Variants in CAST observed in about 807,000 individuals in gnomAD.
The protein encoded by CAST is calpastatin, also known as MIR583 host.
In CAST, 76 loss-of-function variants were observed where a neutral mutation model predicts 119.6. That is an observed-to-expected ratio of 0.64 (90% CI 0.53 to 0.77). The LOEUF (loss-of-function observed/expected upper bound fraction) is 0.77, where lower values mean the gene tolerates loss of function less well. Ranked by LOEUF, CAST falls within the 30% of genes least tolerant of loss-of-function variation. CAST has a pLI of 0.00. For missense variants in CAST, 953 were observed against 946.5 expected (o/e 1.01, Z -0.09); for synonymous variants, 319 against 331.6 (o/e 0.96, Z 0.41).
At chr5:96,332,758 C>T in the CAST span, among the ~76,000 whole-genome samples, 5 of 152,162 alleles carry the variant, frequency 3.3e-5, no homozygotes, top group African/African-American at 1.2e-4. Flanking sequence ...TCCTTAGCAG[C>T]TCCACAAGGA....
At chr5:96,043,873 G>A in the CAST span, among the ~76,000 whole-genome samples, 1 of 152,114 alleles carries the variant, frequency 6.6e-6, no homozygotes, top group Admixed American at 6.6e-5. Context: ...CTGTCAGAAT[G>A]GGAGAAGAGA....
the CAST span, chr5:96,400,233 T>C: frequency 7.2e-7 from 1 of 1,387,558 alleles, no homozygotes; most frequent in Non-Finnish European, 1.0e-6. Flanking sequence ...AAATGAAGTT[T>C]CCTTGCAAAA....
chr5:96,542,293 A>G (rs1745927962), intron 1 of CAST, among the ~76,000 whole-genome samples: 1 of 133,722 alleles, frequency 7.5e-6, no homozygotes, highest in African/African-American at 2.8e-5. Context: ...CCTGGGCGAC[A>G]GCAAGACTTA....
chr5:96,628,320 T>C (rs1471394808), intron 1 of CAST, among the ~76,000 whole-genome samples: 5 of 152,364 alleles, frequency 3.3e-5, no homozygotes, highest in Non-Finnish European at 7.3e-5. Context: ...ATCTTGCTAC[T>C]CAGACTTCTG....
the CAST span, among the ~76,000 whole-genome samples, chr5:96,279,371 T>G: frequency 6.6e-6 from 1 of 152,144 alleles, no homozygotes; most frequent in Non-Finnish European, 1.5e-5. Flanking sequence ...CTCTAACACC[T>G]CACTTTTTGT....
At chr5:95,986,550 G>C in the CAST span, among the ~76,000 whole-genome samples, 1 of 151,994 alleles carries the variant, frequency 6.6e-6, no homozygotes, top group Admixed American at 6.6e-5. Context: ...ATATGGATAT[G>C]GTATAAATTC....
the CAST span, among the ~76,000 whole-genome samples, chr5:96,269,158 A>G: frequency 6.6e-6 from 1 of 152,166 alleles, no homozygotes; most frequent in African/African-American, 2.4e-5. Flanking sequence ...AGTTCTTTTT[A>G]GCAGTATGAA....
At chr5:96,703,321 T>C (rs4434401) in intron 3 of CAST, among the ~76,000 whole-genome samples, 68,511 of 151,826 alleles carry the variant, frequency 0.45, 15,804 homozygotes, top group Middle Eastern at 0.51. Flanking sequence ...TGGAGATAGA[T>C]CTCCTCCTCC....
chr5:96,431,330 CT>C, the CAST span, among the ~76,000 whole-genome samples: 1 of 152,220 alleles, frequency 6.6e-6, no homozygotes, highest in Non-Finnish European at 1.5e-5. Context: ...CAACCTTTGA[CT>C]TCTGTTCCCG....
At chr5:96,333,819 G>A in the CAST span, among the ~76,000 whole-genome samples, 1 of 152,196 alleles carries the variant, frequency 6.6e-6, no homozygotes, top group Admixed American at 6.5e-5. Flanking sequence ...GCTAAGCTGT[G>A]TGGCGTTACA....
At position 96,563,274 on chromosome 5, in the gene CAST, A is replaced by G. The variant is rs752992435; in HGVS notation, c.60+33394A>G. ...TTGTGAAGGCTCCAATGTCACATGAAGCTTATATTAAATACATGTGTATTA... is the reference window on the plus strand; with the variant it reads ...TTGTGAAGGCTCCAATGTCACATGAGGCTTATATTAAATACATGTGTATTA... On this transcript the variant is annotated intron_variant, in intron 1 of 11. Coordinates refer to the CAST transcript ENST00000505143. Among the ~76,000 whole-genome samples the G allele has an allele frequency of 6.5e-4, 99 of 152,270 alleles. 2 individuals carry two copies. The highest frequency in any genetic ancestry group is 1.6e-4 in the Non-Finnish European group (11 of 68,020).
intron 1 of CAST, among the ~76,000 whole-genome samples, chr5:96,645,404 C>A (rs1748002175): frequency 6.6e-6 from 1 of 152,098 alleles, no homozygotes; most frequent in Non-Finnish European, 1.5e-5. Flanking sequence ...TTCGCCCTTT[C>A]TATATTATTT....
chr5:96,257,846 G>A, the CAST span, among the ~76,000 whole-genome samples: 1 of 152,164 alleles, frequency 6.6e-6, no homozygotes, highest in East Asian at 1.9e-4. Flanking sequence ...AAAACACAGC[G>A]GCGCACAAGG....
At chr5:96,301,823 C>T in the CAST span, among the ~76,000 whole-genome samples, 1 of 152,234 alleles carries the variant, frequency 6.6e-6, no homozygotes, top group East Asian at 1.9e-4. Flanking sequence ...CATGGACTGT[C>T]ACTGCGTGCC....
the CAST span, among the ~76,000 whole-genome samples, chr5:96,372,164 G>GT: frequency 6.6e-6 from 1 of 152,182 alleles, no homozygotes; most frequent in Non-Finnish European, 1.5e-5. Flanking sequence ...AGAATGGCTA[G>GT]GATTGGAACC....
the CAST span, among the ~76,000 whole-genome samples, chr5:96,399,476 G>A: frequency 6.6e-6 from 1 of 152,126 alleles, no homozygotes; most frequent in African/African-American, 2.4e-5. Flanking sequence ...GCTAGAGGGA[G>A]TCTAAGTAAG....
the CAST span, among the ~76,000 whole-genome samples, chr5:96,327,867 G>T: frequency 6.6e-6 from 1 of 152,150 alleles, no homozygotes; most frequent in Non-Finnish European, 1.5e-5. Context: ...ATCTCACTCA[G>T]CCTTGGGCAT....
chr5:96,728,968 G>A (rs1759895109), intron 6 of CAST, 185 bp from the exon 7 acceptor site: 3 of 544,922 alleles, frequency 5.5e-6, no homozygotes, highest in South Asian at 2.6e-5. Flanking sequence ...CTGCTGACAG[G>A]GTTACTATTG....
the CAST span, among the ~76,000 whole-genome samples, chr5:96,210,620 A>C: frequency 6.6e-6 from 1 of 152,018 alleles, no homozygotes. Flanking sequence ...AATTAAAAAG[A>C]CTGATTTCTT....
Sources: allele counts gnomAD v4.1 joint callset (sites outside exome capture counted in the v4.1 genomes callset), GRCh38; gene constraint gnomAD v4.1.1; transcripts MANE v1.5; gene names NCBI Gene and HGNC (gene_info 2026-07-23, HGNC 2026-07-21).